Variants in HUWE1 observed in about 807,000 individuals in gnomAD.
The protein encoded by HUWE1 is HECT, UBA and WWE domain containing E3 ubiquitin protein ligase 1.
HUWE1 carries 18 observed loss-of-function variants against 299.4 expected under a neutral mutation model. The observed-to-expected ratio is 0.06, with a 90% CI of 0.04 to 0.09. HUWE1 has a LOEUF of 0.09. HUWE1 is among the 10% of genes least tolerant of loss of function. HUWE1 has a pLI of 1.00. For synonymous variants in HUWE1, 1,317 were observed against 1,286.1 expected (o/e 1.02, Z -0.51); for missense variants, 1,832 against 3,462.3 (o/e 0.53, Z 11.82).
At chrX:53,584,909 A>G in intron 40 of HUWE1, 103 bp downstream of exon 40, 1 of 914,182 alleles carries the variant, frequency 1.1e-6, no homozygotes, top group Non-Finnish European at 1.6e-6. Context: ...GAACAACGAC[A>G]AAAAAACCTC....
rs1556981237 is a variant in HUWE1, at chrX:53,593,376, C to T, written c.3729G>A (p.Val1243=). 2 of 1,187,324 alleles carry T rather than the reference C, an allele frequency of 1.7e-6. No individual in the cohort carries two copies. Among genetic ancestry groups the T allele is most frequent in the East Asian group, 3.0e-5 (1 of 33,690 alleles). Residue 1243 remains valine (V), a synonymous_variant, in exon 32 of 84, where the codon GTG becomes GTA. Transcript: ENST00000262854. The part of the protein sequence containing the change: ...FPQFSALRFL[V]VTQKAAFTCI... ...ACTGAATACTCACTTTCTGAGTTAC[C>T]ACAAGGAAGCGCAGTGCACTGAACT...
intron 70 of HUWE1, among the ~76,000 whole-genome samples, chrX:53,546,171 TTC>T (rs1556922500): frequency 1.8e-5 from 2 of 111,185 alleles, no homozygotes; most frequent in African/African-American, 3.3e-5. Flanking sequence ...TTCCCATGTG[TTC>T]TCTTTTCTCT....
intron 17 of HUWE1, among the ~76,000 whole-genome samples, chrX:53,626,304 T>C (rs966599408): frequency 2.8e-5 from 3 of 108,543 alleles, no homozygotes; most frequent in Non-Finnish European, 1.9e-5. Context: ...ACCTACCAAA[T>C]TGGGGAAGAG....
At chrX:53,557,925 CTTATTT>C (rs1556936698) in intron 59 of HUWE1, among the ~76,000 whole-genome samples, 2 of 111,783 alleles carry the variant, frequency 1.8e-5, no homozygotes, top group Non-Finnish European at 3.8e-5. Context: ...CTTCACTACC[CTTATTT>C]TTAATCTACC....
At chrX:53,674,497 TAA>T (rs1261799475) in intron 3 of HUWE1, among the ~76,000 whole-genome samples, 1 of 112,367 alleles carries the variant, frequency 8.9e-6, no homozygotes, top group African/African-American at 3.2e-5. Flanking sequence ...TAAATGCATC[TAA>T]AGAGTAAGTC....
intron 3 of HUWE1, among the ~76,000 whole-genome samples, chrX:53,660,413 C>T (rs782702526): frequency 2.7e-5 from 3 of 112,504 alleles, no homozygotes; most frequent in Admixed American, 9.4e-5. Context: ...GCAGTCCTAC[C>T]TTGGTGTCTA....
rs1220401769 is a variant in HUWE1, at chrX:53,593,406, A to C, written c.3699T>G (p.Phe1233Leu). ...PAKLPGGVQN[F>L]PQFSALRFLV... Reference sequence around the variant, plus strand: ...GGAAGCGCAGTGCACTGAACTGGGGAAAGTTCTGGACACCTCCAGGCAATT... The same window carrying C: ...GGAAGCGCAGTGCACTGAACTGGGGCAAGTTCTGGACACCTCCAGGCAATT... Residue 1233 changes from phenylalanine (F) to leucine (L), a missense_variant, in exon 32 of 84, where the codon TTT (phenylalanine) becomes TTG (leucine). Phe to Leu is a conservative substitution (Grantham distance 22). Coordinates refer to ENST00000262854, the MANE Select transcript of HUWE1 (RefSeq NM_031407.7). 8.3e-7 allele frequency: 1 copy of C among 1,208,383 alleles called. No homozygotes were observed. Among genetic ancestry groups the C allele is most frequent in the African/African-American group, 1.8e-5 (1 of 57,119 alleles).
rs2061669575 is a variant in HUWE1, at chrX:53,549,322, G to A, written c.9672C>T (p.Arg3224=). ...YHAQTRHWVI[R]SLLSILQRSS... The stretch of plus-strand genomic sequence containing the variant: ...TGCGCTGCAAGATGGAGAGCAGACT[G>A]CGGATGACCCAGTGGCGGGTCTGGG... The change falls in exon 67 of 84, where the codon CGC becomes CGT. Residue 3224 remains arginine (R), a synonymous_variant. Transcript: ENST00000262854. 1 of 1,212,016 alleles carries A rather than the reference G, an allele frequency of 8.3e-7. No homozygotes were observed.
intron 80 of HUWE1, 92 bp downstream of exon 80, chrX:53,536,055 G>C (rs2061046190): frequency 1.9e-6 from 1 of 533,981 alleles, no homozygotes; most frequent in African/African-American, 2.4e-5. Context: ...TTAGAACTAT[G>C]AGAAGGTCAC....
At chrX:53,618,619 CA>C (rs2065939336) in intron 19 of HUWE1, among the ~76,000 whole-genome samples, 1 of 101,955 alleles carries the variant, frequency 9.8e-6, no homozygotes, top group Non-Finnish European at 2.0e-5. Flanking sequence ...GGCTGGAGTA[CA>C]GTGGTGCAAT....
rs1556938624 is a variant in HUWE1, at chrX:53,559,343, C to T, written c.7915+11G>A. 16 of 1,208,431 alleles carry T rather than the reference C, an allele frequency of 1.3e-5. No individual in the cohort carries two copies. The highest frequency in any genetic ancestry group is 1.3e-5 in the Non-Finnish European group (12 of 892,319). Reference sequence around the variant, plus strand: ...ACAAATTCTACCCTCCCTTTCACCACACAAACTTGCCTGCTTGGCTGGTAG... The same window carrying T: ...ACAAATTCTACCCTCCCTTTCACCATACAAACTTGCCTGCTTGGCTGGTAG... On this transcript the variant is annotated intron_variant, in intron 57 of 83. Coordinates refer to ENST00000262854, the MANE Select transcript of HUWE1 (RefSeq NM_031407.7).
In HUWE1 at chrX:53,546,750, A is replaced by G. The variant is rs1210584867; in HGVS notation, c.10712T>C (p.Met3571Thr). 1 of 1,209,527 alleles carries G rather than the reference A, an allele frequency of 8.3e-7. No homozygotes were observed. Among genetic ancestry groups the G allele is most frequent in the Non-Finnish European group, 1.1e-6 (1 of 894,723 alleles). The change falls in exon 69 of 84, where the codon ATG becomes ACG. Residue 3571 changes from methionine (M) to threonine (T), a missense_variant. Met to Thr is a moderately conservative substitution (Grantham distance 81, BLOSUM62 -1). Coordinates refer to ENST00000262854, the MANE Select transcript of HUWE1 (RefSeq NM_031407.7). Reference sequence around the variant, plus strand: ...GTTTTCAGTGAGGCCAGAGGACACCATCTTAAAGTCTGTACTGCTGCTGCC... The same window carrying G: ...GTTTTCAGTGAGGCCAGAGGACACCGTCTTAAAGTCTGTACTGCTGCTGCC... ...DGGSSSTDFK[M>T]VSSGLTENQL... is the part of the protein sequence containing the mutation.
rs191047240 is a variant in HUWE1 at position 53,601,672 on chromosome X, T to C, written c.2971+892A>G. Among the ~76,000 whole-genome samples the C allele has an allele frequency of 4.9e-3, 530 of 108,010 alleles. 3 individuals carry two copies. Among genetic ancestry groups the C allele is most frequent in the African/African-American group, 0.017 (508 of 29,878 alleles). 93.8% of individuals were successfully genotyped at this position (108,010 alleles called of 115,157 possible). A position where few individuals can be genotyped will look rare whatever the true frequency, so the allele number is the denominator to read the frequency against. ...TACTTACTGAAATTTGGAATTTTTT[T>C]TTTTTTTTTTCCTGAGGCGGTGTTT... On this transcript the variant is annotated intron_variant, in intron 28 of 83. Coordinates refer to ENST00000262854, the MANE Select transcript of HUWE1 (RefSeq NM_031407.7).
At chrX:53,579,026 A>G (rs868944284) in intron 43 of HUWE1, among the ~76,000 whole-genome samples, 8 of 10,719 alleles carry the variant, frequency 7.5e-4, no homozygotes, top group Admixed American at 3.5e-3. Context: ...TCCGGGAGGG[A>G]GGCGGGGGGG....
rs188418027 is a variant in HUWE1, at chrX:53,541,070, C to T, written c.11477-1258G>A. 5.2e-3 allele frequency among the ~76,000 whole-genome samples: 585 copies of T among 112,120 alleles called. 2 individuals carry two copies. Among genetic ancestry groups the T allele is most frequent in the Middle Eastern group, 9.1e-3 (2 of 219 alleles). ...ATGGTTGTCCTACAAGAATACTATT[C>T]CATGGGAATGTGTTATGAGGGTGCC... On this transcript the variant is annotated intron_variant, in intron 74 of 83. Transcript: ENST00000262854.
In HUWE1 at chrX:53,565,160, G is replaced by A. The variant is rs1569448831; in HGVS notation, c.6787C>T (p.Leu2263Phe). The stretch of plus-strand genomic sequence containing the variant: ...CTAGAAGCACTCTTGCTGCCAAAAA[G>A]GCTACTGGGCTGGTTCACAATCCGG... ...LSRIVNQPSS[L>F]FGSKSASSKN... The change falls in exon 50 of 84, where the codon CTT (leucine) becomes TTT (phenylalanine). Residue 2263 changes from leucine to phenylalanine, a missense_variant. Around this residue, in one of 15 missense-constraint regions of HUWE1, gnomAD observed 26 missense variants for 20.7 expected, o/e 1.26. Coordinates refer to ENST00000262854, the MANE Select transcript of HUWE1 (RefSeq NM_031407.7). 1 of 1,211,035 alleles carries A rather than the reference G, an allele frequency of 8.3e-7. No individual in the cohort carries two copies. The highest frequency in any genetic ancestry group is 1.1e-6 in the Non-Finnish European group (1 of 894,750).
At chrX:53,574,880 A>C (rs1044180151) in intron 46 of HUWE1, among the ~76,000 whole-genome samples, 4 of 111,526 alleles carry the variant, frequency 3.6e-5, no homozygotes, top group Non-Finnish European at 7.5e-5. Flanking sequence ...GTTTTTAGAA[A>C]CCCCCCAAAT....
At chrX:53,547,573 C>G in intron 68 of HUWE1, 100 bp downstream of exon 68, 1 of 1,135,617 alleles carries the variant, frequency 8.8e-7, no homozygotes. Flanking sequence ...ACAAACCAAG[C>G]TGATTGCTAT....
chrX:53,554,611 CA>C (rs782043717), intron 61 of HUWE1, 21 bp downstream of exon 61: 2 of 1,202,790 alleles, frequency 1.7e-6, no homozygotes, highest in African/African-American at 3.5e-5. Flanking sequence ...TCATCCTCCC[CA>C]AATGTTGAAA....
Sources: allele counts gnomAD v4.1 joint callset (sites outside exome capture counted in the v4.1 genomes callset), GRCh38; gene constraint gnomAD v4.1.1; regional missense constraint gnomAD v4.1.1; transcripts MANE v1.5; gene names NCBI Gene and HGNC (gene_info 2026-07-23, HGNC 2026-07-21).